The following SRRM4 variants were observed in gnomAD, a reference collection of about 807,000 sequenced individuals.
The protein encoded by SRRM4 is serine/arginine repetitive matrix 4, also known as serine/arginine repetitive matrix protein 4.
SRRM4 carries 33 observed loss-of-function variants against 68.9 expected under a neutral mutation model. The observed-to-expected ratio is 0.48, with a 90% CI of 0.36 to 0.64. The LOEUF is 0.64. SRRM4 is among the 30% of genes least tolerant of loss of function. The pLI is 0.00. For synonymous variants in SRRM4, 318 were observed against 318.8 expected, an observed-to-expected ratio of 1.00 and a Z score of 0.03; for missense variants, 817 against 827.1, an observed-to-expected ratio of 0.99 and a Z score of 0.15.
chr12:119,078,278 T>A (rs1953928285), intron 1 of SRRM4, among the ~76,000 whole-genome samples: 4 of 152,206 alleles, frequency 2.6e-5, no homozygotes, highest in Admixed American at 2.6e-4. Flanking sequence ...ACTAGTTGTG[T>A]ACTGAGCTAT....
chr12:119,076,900 A>T (rs1953919975), intron 1 of SRRM4, among the ~76,000 whole-genome samples: 3 of 151,950 alleles, frequency 2.0e-5, no homozygotes, highest in Admixed American at 1.3e-4. Flanking sequence ...ATTTTTAAAA[A>T]CTGCTTTTTG....
At chr12:119,092,584 T>G (rs985418127) in intron 1 of SRRM4, among the ~76,000 whole-genome samples, 2 of 152,144 alleles carry the variant, frequency 1.3e-5, no homozygotes, top group African/African-American at 2.4e-5. Context: ...AAAACTCTGT[T>G]GATTCTACCT....
chr12:119,088,561 G>A (rs755528098), intron 1 of SRRM4, among the ~76,000 whole-genome samples: 3 of 152,034 alleles, frequency 2.0e-5, no homozygotes, highest in African/African-American at 4.8e-5. Context: ...TGAGAAAACC[G>A]AGGCTTAAAT....
intron 1 of SRRM4, among the ~76,000 whole-genome samples, chr12:119,029,838 G>A (rs946596228): frequency 6.6e-6 from 1 of 152,168 alleles, no homozygotes; most frequent in Non-Finnish European, 1.5e-5. Flanking sequence ...AGACATGGCA[G>A]GGTCAGAGAC....
At chr12:119,155,417 T>C (rs1156769609) in intron 12 of SRRM4, among the ~76,000 whole-genome samples, 1 of 152,240 alleles carries the variant, frequency 6.6e-6, no homozygotes, top group Non-Finnish European at 1.5e-5. Flanking sequence ...ATAGCAAGGC[T>C]GGGGTGATGG....
At chr12:118,989,340 T>C (rs533068996) in intron 1 of SRRM4, among the ~76,000 whole-genome samples, 1 of 152,300 alleles carries the variant, frequency 6.6e-6, no homozygotes, top group South Asian at 2.1e-4. Flanking sequence ...ATCAGGAAAC[T>C]TTAAAGATGC....
chr12:119,118,139 T>G (rs1954193200), intron 4 of SRRM4, among the ~76,000 whole-genome samples: 1 of 152,208 alleles, frequency 6.6e-6, no homozygotes, highest in African/African-American at 2.4e-5. Flanking sequence ...AGTGCTCCAG[T>G]TGGCCTTAGG....
intron 1 of SRRM4, among the ~76,000 whole-genome samples, chr12:119,056,289 A>G (rs1373098725): frequency 1.3e-5 from 2 of 152,206 alleles, no homozygotes; most frequent in Non-Finnish European, 2.9e-5. Context: ...TATCATGTAG[A>G]GATGTCATTT....
chr12:119,016,764 TA>T (rs1953484438), intron 1 of SRRM4, among the ~76,000 whole-genome samples: 1 of 152,238 alleles, frequency 6.6e-6, no homozygotes, highest in African/African-American at 2.4e-5. Flanking sequence ...GGCTTATTGG[TA>T]GTTTTCATTT....
chr12:119,080,526 C>T (rs1465316889), intron 1 of SRRM4, among the ~76,000 whole-genome samples: 8 of 152,110 alleles, frequency 5.3e-5, no homozygotes, highest in Non-Finnish European at 1.2e-4. Flanking sequence ...GTAAGTGGCT[C>T]GACTCAAGTC....
chr12:119,061,290 T>C (rs948303724), intron 1 of SRRM4, among the ~76,000 whole-genome samples: 3 of 152,168 alleles, frequency 2.0e-5, no homozygotes, highest in African/African-American at 7.2e-5. Context: ...TGAGATGTGG[T>C]TAGAAAAGAA....
intron 1 of SRRM4, among the ~76,000 whole-genome samples, chr12:119,003,871 T>C (rs1428215024): frequency 2.6e-5 from 4 of 152,074 alleles, no homozygotes; most frequent in Non-Finnish European, 4.4e-5. Flanking sequence ...TTCTTCTCTC[T>C]ATAGACGATA....
intron 9 of SRRM4, among the ~76,000 whole-genome samples, chr12:119,149,742 T>A (rs899464110): frequency 3.3e-5 from 5 of 152,126 alleles, no homozygotes; most frequent in Non-Finnish European, 7.3e-5. Context: ...TCAGGAGGAA[T>A]AAGTAGTCTA....
intron 1 of SRRM4, among the ~76,000 whole-genome samples, chr12:119,026,758 C>T (rs531992492): frequency 6.6e-6 from 1 of 151,966 alleles, no homozygotes; most frequent in East Asian, 1.9e-4. Flanking sequence ...CAGAGGTTAG[C>T]CAGGCTGACC....
At chr12:119,147,346 AGG>A (rs1293046625) in intron 9 of SRRM4, among the ~76,000 whole-genome samples, 1 of 152,230 alleles carries the variant, frequency 6.6e-6, no homozygotes, top group Non-Finnish European at 1.5e-5. Context: ...GAGGATTTTT[AGG>A]GCAATGGAAC....
chr12:119,122,870 G>T (rs1954231604), intron 6 of SRRM4, among the ~76,000 whole-genome samples: 1 of 152,214 alleles, frequency 6.6e-6, no homozygotes, highest in African/African-American at 2.4e-5. Flanking sequence ...TGGATTTACA[G>T]TGTGGAGATG....
intron 1 of SRRM4, among the ~76,000 whole-genome samples, chr12:119,062,910 A>G (rs1310378654): frequency 1.3e-5 from 2 of 152,214 alleles, no homozygotes; most frequent in African/African-American, 2.4e-5. Flanking sequence ...CAACATTAAT[A>G]TTACCTTATG....
At chr12:119,077,395 G>A (rs1037198590) in intron 1 of SRRM4, among the ~76,000 whole-genome samples, 2 of 151,602 alleles carry the variant, frequency 1.3e-5, no homozygotes, top group African/African-American at 4.9e-5. Context: ...TACGATTCTG[G>A]CTCTATCATG....
At chr12:119,097,935 T>A (rs550901260) in intron 1 of SRRM4, among the ~76,000 whole-genome samples, 1 of 152,370 alleles carries the variant, frequency 6.6e-6, no homozygotes, top group African/African-American at 2.4e-5. Flanking sequence ...CTTTTGCCTA[T>A]CATGGGATTG....
Sources: allele counts gnomAD v4.1 joint callset (sites outside exome capture counted in the v4.1 genomes callset), GRCh38; gene constraint gnomAD v4.1.1; transcripts MANE v1.5; gene names NCBI Gene and HGNC (gene_info 2026-07-23, HGNC 2026-07-21).